Variants in CADPS2 observed in about 807,000 individuals in gnomAD.
The protein encoded by CADPS2 is calcium-dependent secretion activator 2.
In CADPS2, 93 loss-of-function variants were observed where a neutral mutation model predicts 172.5. The observed-to-expected ratio is 0.54, with a 90% CI of 0.46 to 0.64. The LOEUF is 0.64. CADPS2 is among the 30% of genes least tolerant of loss of function. CADPS2 has a pLI of 0.00. For synonymous variants in CADPS2, 546 were observed against 555.2 expected (o/e 0.98, Z 0.23); for missense variants, 1,420 against 1,565.9 (o/e 0.91, Z 1.57).
chr7:122,615,180 C>T lies in CADPS2; in HGVS notation c.1223+1G>A, dbSNP rs749514093. 6.6e-6 allele frequency: 10 copies of T among 1,514,842 alleles called. No homozygotes were observed. Among genetic ancestry groups the T allele is most frequent in the South Asian group, 1.2e-5 (1 of 80,514 alleles). The allele number at this position is 1,514,842 out of a possible 1,614,324, so 93.8% of individuals were successfully genotyped here. Reference sequence around the variant, plus strand: ...TAATACACTTTTTTCAACTGGCTTACTGTGGCCTTGAGGCTTCGGCCTGGT... The same window carrying T: ...TAATACACTTTTTTCAACTGGCTTATTGTGGCCTTGAGGCTTCGGCCTGGT... On this transcript the variant is annotated splice_donor_variant, in intron 6 of 29. Coordinates refer to ENST00000449022, the MANE Select transcript of CADPS2 (RefSeq NM_017954.11). LOFTEE classifies it high-confidence loss of function.
chr7:122,753,224 T>C (rs1248328355), intron 1 of CADPS2, among the ~76,000 whole-genome samples: 2 of 152,206 alleles, frequency 1.3e-5, no homozygotes, highest in Non-Finnish European at 2.9e-5. Context: ...GAAAAAGAGA[T>C]GCATTTTATG....
chr7:122,396,818 T>C (rs1177654537), intron 20 of CADPS2, among the ~76,000 whole-genome samples: 2 of 152,238 alleles, frequency 1.3e-5, no homozygotes, highest in Non-Finnish European at 2.9e-5. Flanking sequence ...TGCTGACATA[T>C]TTCTCGCTGC....
intron 1 of CADPS2, among the ~76,000 whole-genome samples, chr7:122,848,276 C>T (rs534761065): frequency 1.6e-4 from 24 of 152,236 alleles, no homozygotes; most frequent in East Asian, 3.9e-4. Flanking sequence ...CCTTCCTCTG[C>T]GACAGAGCCC....
At chr7:122,638,597 C>A (rs1052324376) in intron 3 of CADPS2, among the ~76,000 whole-genome samples, 1 of 152,174 alleles carries the variant, frequency 6.6e-6, no homozygotes, top group African/African-American at 2.4e-5. Flanking sequence ...GGGGTCCCCA[C>A]GGACTTGAGT....
intron 22 of CADPS2, among the ~76,000 whole-genome samples, chr7:122,389,371 C>CT (rs1200854907): frequency 1.3e-5 from 2 of 151,956 alleles, no homozygotes; most frequent in Non-Finnish European, 2.9e-5. Context: ...TCAGGGTGCT[C>CT]TGAAGATGGA....
intron 25 of CADPS2, among the ~76,000 whole-genome samples, chr7:122,363,231 T>C (rs944125567): frequency 6.6e-6 from 1 of 152,182 alleles, no homozygotes; most frequent in Admixed American, 6.5e-5. Context: ...CTGTGGAAAA[T>C]GCCTCATCTC....
At chr7:122,809,898 A>C (rs1170643852) in intron 1 of CADPS2, among the ~76,000 whole-genome samples, 3 of 152,152 alleles carry the variant, frequency 2.0e-5, no homozygotes, top group Admixed American at 6.5e-5. Flanking sequence ...CAGAATTTCC[A>C]AAATTTCAGT....
Position 122,465,517 on chromosome 7 carries a change from G to A in CADPS2, c.2186+5858C>T, listed in dbSNP as rs915889117. Reference sequence around the variant, plus strand: ...TTCCACCTCCTGTCAGATCAGTGTCGGCATTAGGTTCTCACAGGAACCTGA... The same window carrying A: ...TTCCACCTCCTGTCAGATCAGTGTCAGCATTAGGTTCTCACAGGAACCTGA... On this transcript the variant is annotated intron_variant, in intron 14 of 29. Coordinates refer to ENST00000449022, the MANE Select transcript of CADPS2 (RefSeq NM_017954.11). Among the ~76,000 whole-genome samples, 5 of 152,092 alleles carry A rather than the reference G, an allele frequency of 3.3e-5. No individual in the cohort carries two copies. In the South Asian group the frequency reaches 6.2e-4, roughly 19 times the overall value.
chr7:122,865,970 G>A (rs536264736), intron 1 of CADPS2, among the ~76,000 whole-genome samples: 1 of 152,292 alleles, frequency 6.6e-6, no homozygotes, highest in East Asian at 1.9e-4. Context: ...AAGGAAAGTG[G>A]TGTAGGCATC....
Position 122,698,441 on chromosome 7 carries a change from C to T in CADPS2, c.454-34872G>A, listed in dbSNP as rs748259733. On this transcript the variant is annotated intron_variant, in intron 2 of 29. Coordinates refer to ENST00000449022, the MANE Select transcript of CADPS2 (RefSeq NM_017954.11). ...TTAATTAAATGGAAAATTTCCGTGC[C>T]TTTTAAGTTACCAATCATAACCACA... 3.1e-6 allele frequency: 5 copies of T among 1,613,894 alleles called. No homozygotes were observed. The Admixed American group carries it at 8.3e-5, about 27-fold the overall frequency.
chr7:122,386,925 T>G (rs2043760284), intron 24 of CADPS2, 101 bp downstream of exon 24: 1 of 1,218,476 alleles, frequency 8.2e-7, no homozygotes, highest in South Asian at 1.6e-5. Context: ...GCTAGAGAAC[T>G]TGGTCTTTTC....
At chr7:122,573,830 T>A (rs2067595637) in intron 7 of CADPS2, among the ~76,000 whole-genome samples, 1 of 152,134 alleles carries the variant, frequency 6.6e-6, no homozygotes, top group Non-Finnish European at 1.5e-5. Flanking sequence ...ATAAAAATAC[T>A]TTAGCTTAAA....
rs552492891 is a variant in CADPS2, at chr7:122,841,242, T to C, written c.339+44757A>G. The stretch of plus-strand genomic sequence containing the variant: ...TGTCAAATACCCTAAAAAAGAAACA[T>C]GGAAGAGACAAGGCATTGTTGCCTT... On this transcript the variant is annotated intron_variant, in intron 1 of 29. Transcript: ENST00000449022. Among the ~76,000 whole-genome samples the C allele has an allele frequency of 7.8e-4, 119 of 152,200 alleles. No individual in the cohort carries two copies. In the Middle Eastern group the frequency reaches 0.014, roughly 17 times the overall value.
At chr7:122,602,477 C>T (rs2072929046) in intron 6 of CADPS2, among the ~76,000 whole-genome samples, 3 of 151,980 alleles carry the variant, frequency 2.0e-5, no homozygotes, top group Admixed American at 2.0e-4. Context: ...AAATATAATA[C>T]ATTGTATTGA....
rs1819020093 is a variant in CADPS2 at position 122,868,981 on chromosome 7, A to G, written c.339+17018T>C. ...GAGAAGATTAGCAAATTTAAAGACA[A>G]AATCATTGGAAATCATCGAATCTGA... On this transcript the variant is annotated intron_variant, in intron 1 of 29. Transcript: ENST00000449022. Among the ~76,000 whole-genome samples, 7 of 152,162 alleles carry G rather than the reference A, an allele frequency of 4.6e-5. No individual in the cohort carries two copies. In the South Asian group the frequency reaches 1.5e-3, roughly 32 times the overall value.
chr7:122,515,536 G>T (rs1433482212), intron 8 of CADPS2, among the ~76,000 whole-genome samples: 1 of 152,144 alleles, frequency 6.6e-6, no homozygotes, highest in Non-Finnish European at 1.5e-5. Flanking sequence ...CCAAATAGCT[G>T]GCTTGGAGCC....
intron 1 of CADPS2, among the ~76,000 whole-genome samples, chr7:122,845,233 G>C (rs570077593): frequency 1.3e-5 from 2 of 152,254 alleles, no homozygotes; most frequent in South Asian, 4.1e-4. Context: ...ACCCATCTTT[G>C]GGCCCAGGTT....
chr7:122,702,018 T>C lies in CADPS2; in HGVS notation c.453+34937A>G, dbSNP rs1342534849. On this transcript the variant is annotated intron_variant, in intron 2 of 29. Coordinates refer to ENST00000449022, the MANE Select transcript of CADPS2 (RefSeq NM_017954.11). ...AGGTCTAATTCCTCATCCCCTTCTT[T>C]GAGAACTCGCAGTTGAAGCTGGTCA... 12 of 1,613,512 alleles carry C rather than the reference T, an allele frequency of 7.4e-6. No homozygotes were observed. In the Middle Eastern group the frequency reaches 1.5e-3, roughly 199 times the overall value.
intron 17 of CADPS2, among the ~76,000 whole-genome samples, chr7:122,435,864 C>A (rs927474859): frequency 5.3e-5 from 8 of 151,894 alleles, no homozygotes; most frequent in Non-Finnish European, 8.8e-5. Flanking sequence ...TAAAATAAGC[C>A]AGTCACAGTA....
Sources: gnomAD v4.1 joint callset for allele counts (sites outside exome capture counted in the v4.1 genomes callset) on GRCh38, gnomAD v4.1.1 for gene constraint, MANE v1.5 for transcripts, NCBI Gene and HGNC (gene_info 2026-07-23, HGNC 2026-07-21) for gene names.